Variants in PJVK observed in about 807,000 individuals in gnomAD.
The protein encoded by PJVK is autosomal recessive deafness type 59 protein.
Under a neutral mutation model 37.6 loss-of-function variants are expected in PJVK, and 33 were observed. The observed-to-expected ratio is 0.88, with a 90% confidence interval of 0.67 to 1.17. PJVK has a LOEUF of 1.17. PJVK is among the 50% of genes most tolerant of loss of function. PJVK has a pLI of 0.00. For missense variants in PJVK, 410 were observed against 413.8 expected (o/e 0.99, Z 0.08); for synonymous variants, 141 against 143.5 (o/e 0.98, Z 0.13).
At chr2:178,459,397 A>AAT (rs1222319417) in intron 5 of PJVK, 2 of 331,214 alleles carry the variant, frequency 6.0e-6, no homozygotes, top group Non-Finnish European at 1.3e-5. Flanking sequence ...AAATATTTTT[A>AAT]ATTTTTGTGG....
At chr2:178,452,403 G>A (rs1472235520) in intron 1 of PJVK, 1 of 984,746 alleles carries the variant, frequency 1.0e-6, no homozygotes, top group African/African-American at 1.8e-5. Context: ...ATCATCTGAT[G>A]CTTTAATTAG....
intron 4 of PJVK, 143 bp downstream of exon 4, chr2:178,456,294 A>G: frequency 9.9e-7 from 1 of 1,008,932 alleles, no homozygotes; most frequent in Admixed American, 2.1e-5. Flanking sequence ...TTGCACAGCA[A>G]TGTCTGTTCT....
At chr2:178,455,515 C>T (rs1683996891) in intron 3 of PJVK, 1 of 861,926 alleles carries the variant, frequency 1.2e-6, no homozygotes, top group Non-Finnish European at 2.0e-6. Context: ...TTGTGGGCCT[C>T]AGGGCTTGGG....
At chr2:178,455,132 C>A in intron 3 of PJVK, 2 of 1,600,820 alleles carry the variant, frequency 1.2e-6, no homozygotes, top group Non-Finnish European at 1.7e-6. Flanking sequence ...GAGCTCGTGG[C>A]TCATTGAGGA....
At chr2:178,459,562 A>C (rs560375696) in intron 5 of PJVK, among the ~76,000 whole-genome samples, 328 of 152,254 alleles carry the variant, frequency 2.2e-3, no homozygotes, top group African/African-American at 7.7e-3. Flanking sequence ...ATACTCTTTT[A>C]GTTATTTAAA....
chr2:178,454,668 G>A (rs767999945), intron 3 of PJVK, 141 bp downstream of exon 3: 53 of 1,416,570 alleles, frequency 3.7e-5, no homozygotes, highest in Non-Finnish European at 5.2e-5. Flanking sequence ...TACATTGGTA[G>A]TATATCCAAA....
chr2:178,454,452 C>T lies in PJVK; in HGVS notation c.332C>T (p.Ala111Val), dbSNP rs1358216132. 1.2e-6 allele frequency: 2 copies of T among 1,613,892 alleles called. No individual in the cohort carries two copies. The highest frequency in any genetic ancestry group is 8.5e-7 in the Non-Finnish European group (1 of 1,179,970). ...AACGTTGCTGGATCAGATTCCATTG[C>T]AGTGAAAGCTTCATTTGGTATAGTA... Reference protein sequence around the residue: ...GINVAGSDSIAVKASFGIVTK... With the variant: ...GINVAGSDSIVVKASFGIVTK... Residue 111 changes from alanine to valine, a missense_variant, in exon 3 of 7, where the codon GCA (alanine) becomes GTA (valine). Physicochemically the swap from Ala to Val is moderately conservative, Grantham distance 64. Transcript: ENST00000644580.
intron 3 of PJVK, chr2:178,455,318 C>T: frequency 7.6e-7 from 1 of 1,321,124 alleles, no homozygotes. Context: ...TGACCAGTAA[C>T]AGAAGTCCAT....
chr2:178,455,125 C>G, intron 3 of PJVK: 1 of 1,600,500 alleles, frequency 6.2e-7, no homozygotes, highest in African/African-American at 1.3e-5. Flanking sequence ...CGGAGGAGAG[C>G]TCGTGGCTCA....
chr2:178,457,820 C>G (rs972706796), intron 4 of PJVK, among the ~76,000 whole-genome samples: 30 of 152,104 alleles, frequency 2.0e-4, no homozygotes, highest in Admixed American at 3.3e-4. Context: ...GATTGTGCCA[C>G]TGCTCTCCAG....
intron 3 of PJVK, 164 bp downstream of exon 3, chr2:178,454,691 A>G (rs1472892661): frequency 6.8e-7 from 1 of 1,474,332 alleles, no homozygotes; most frequent in Non-Finnish European, 9.3e-7. Flanking sequence ...TTGAATAAGG[A>G]TAGATATCAA....
At position 178,460,771 on chromosome 2, in the gene PJVK, C is replaced by T. The variant is rs183863861; in HGVS notation, c.767-211C>T. On this transcript the variant is annotated intron_variant, in intron 6 of 6. Coordinates refer to ENST00000644580, the MANE Select transcript of PJVK (RefSeq NM_001042702.5). Reference sequence around the variant, plus strand: ...GGCTGAGGTAGGAGGATCACTTGAGCGTGGGAGGCGGAGGTTGTAGTAAGT... The same window carrying T: ...GGCTGAGGTAGGAGGATCACTTGAGTGTGGGAGGCGGAGGTTGTAGTAAGT... 7.3e-3 allele frequency among the ~76,000 whole-genome samples: 979 copies of T among 134,268 alleles called. 12 individuals carry two copies. Among genetic ancestry groups the T allele is most frequent in the African/African-American group, 0.026 (937 of 35,514 alleles). 88.1% of individuals were successfully genotyped at this position (134,268 alleles called of 152,430 possible). A position where few individuals can be genotyped will look rare whatever the true frequency, so the allele number is the denominator to read the frequency against.
chr2:178,460,844 G>C, intron 6 of PJVK, 138 bp from the exon 7 acceptor site: 1 of 669,056 alleles, frequency 1.5e-6, no homozygotes, highest in Non-Finnish European at 2.2e-6. Context: ...GCCAGACCCT[G>C]TCTCAAAAAA....
In PJVK at chr2:178,451,684, C is replaced by G; in HGVS notation, c.-108C>G. The G allele has an allele frequency of 1.4e-6, 1 of 715,868 alleles. No homozygotes were observed. Among genetic ancestry groups the G allele is most frequent in the Non-Finnish European group, 1.7e-6 (1 of 583,998 alleles). The allele number at this position is 715,868 out of a possible 1,614,324, so 44.3% of individuals were successfully genotyped here. ...GGTCCCCGAGCCCTGTGTTTAGGAA[C>G]ACGCGGGGACGTCCAAACACCCGCT... On this transcript the variant is annotated 5_prime_UTR_variant, in exon 1 of 7. Transcript: ENST00000644580.
At chr2:178,455,469 A>T (rs1683990742) in intron 3 of PJVK, 1 of 1,141,950 alleles carries the variant, frequency 8.8e-7, no homozygotes, top group East Asian at 2.3e-5. Flanking sequence ...GCTGAGCTGC[A>T]ACCACCCAAC....
intron 3 of PJVK, chr2:178,455,378 T>A (rs1351711694): frequency 2.2e-6 from 3 of 1,344,082 alleles, no homozygotes; most frequent in Non-Finnish European, 3.2e-6. Context: ...TCTGAAGAAG[T>A]TCATGGATCA....
At chr2:178,453,694 T>C (rs1447443548) in intron 2 of PJVK, 74 bp downstream of exon 2, 3 of 1,203,602 alleles carry the variant, frequency 2.5e-6, no homozygotes, top group East Asian at 5.0e-5. Flanking sequence ...TCATATATGC[T>C]ACTTATGTTA....
At chr2:178,460,288 A>G in intron 5 of PJVK, 60 bp from the exon 6 acceptor site, 5 of 1,369,504 alleles carry the variant, frequency 3.7e-6, no homozygotes, top group Non-Finnish European at 4.2e-6. Context: ...TCATCACCCC[A>G]TCAAACAATA....
At chr2:178,455,095 G>A (rs1401259581) in intron 3 of PJVK, 31 of 1,579,826 alleles carry the variant, frequency 2.0e-5, no homozygotes, top group Non-Finnish European at 2.4e-5. Flanking sequence ...TCGATGGGGA[G>A]CTCTACAACG....
Sources: gnomAD v4.1 joint callset for allele counts (sites outside exome capture counted in the v4.1 genomes callset) on GRCh38, gnomAD v4.1.1 for gene constraint, MANE v1.5 for transcripts, NCBI Gene and HGNC (gene_info 2026-07-23, HGNC 2026-07-21) for gene names.